The following PDE1C variants were observed in gnomAD, a reference collection of about 807,000 sequenced individuals.
PDE1C encodes phosphodiesterase 1C, also known as dual specificity calcium/calmodulin-dependent 3',5'-cyclic nucleotide phosphodiesterase 1C.
A neutral mutation model predicts 93.1 loss-of-function variants in PDE1C; 62 were observed. The ratio of observed to expected loss-of-function variants is 0.67; its 90% CI spans 0.54 to 0.82. The LOEUF is 0.82. Among genes scored for constraint, PDE1C ranks in the 40% least tolerant of loss-of-function variants. The probability of loss-of-function intolerance (pLI) is 0.00; values close to 1 mark genes in which losing one functional copy is unlikely to be tolerated. For synonymous variants in PDE1C, 325 were observed against 310.1 expected (o/e 1.05, Z -0.50); for missense variants, 742 against 884.6 (o/e 0.84, Z 2.04).
intron 11 of PDE1C, among the ~76,000 whole-genome samples, chr7:31,835,557 C>T (rs924779975): frequency 4.2e-5 from 6 of 142,120 alleles, no homozygotes; most frequent in Admixed American, 2.8e-4. Flanking sequence ...TGTGTGTGTG[C>T]GTGCATGTGC....
At chr7:32,404,547 G>A (rs1240758427) in intron 1 of PDE1C, among the ~76,000 whole-genome samples, 2 of 151,964 alleles carry the variant, frequency 1.3e-5, no homozygotes, top group Non-Finnish European at 2.9e-5. Flanking sequence ...TTTTTTAAGA[G>A]ACAGGGTCTC....
chr7:31,646,136 G>A, the PDE1C span, among the ~76,000 whole-genome samples: 2 of 152,266 alleles, frequency 1.3e-5, no homozygotes, highest in South Asian at 4.2e-4. Flanking sequence ...AAGATTTTAA[G>A]TCATATTTAG....
At chr7:32,416,758 C>T (rs561248306) in intron 1 of PDE1C, among the ~76,000 whole-genome samples, 2 of 152,132 alleles carry the variant, frequency 1.3e-5, no homozygotes, top group South Asian at 2.1e-4. Context: ...TGCACACATC[C>T]TTTGGAAAAA....
intron 15 of PDE1C, among the ~76,000 whole-genome samples, chr7:31,814,598 C>A (rs1007678964): frequency 6.6e-6 from 1 of 151,386 alleles, no homozygotes; most frequent in Admixed American, 6.6e-5. Context: ...AATCATTGAC[C>A]ACGGCCCTGT....
the PDE1C span, among the ~76,000 whole-genome samples, chr7:31,671,875 A>G: frequency 6.6e-6 from 1 of 152,150 alleles, no homozygotes; most frequent in Non-Finnish European, 1.5e-5. Context: ...ATAAAATGAG[A>G]TTAATTTTTC....
chr7:31,708,241 A>C, the PDE1C span: 2 of 152,244 alleles, frequency 1.3e-5, no homozygotes, highest in Non-Finnish European at 2.9e-5. Flanking sequence ...AGGGGAAGGC[A>C]TACAGGCCTC....
chr7:31,801,268 A>G (rs1173212915), intron 16 of PDE1C, among the ~76,000 whole-genome samples: 4 of 151,518 alleles, frequency 2.6e-5, no homozygotes, highest in African/African-American at 9.6e-5. Context: ...ACGCATATAA[A>G]AAATGAGAGT....
At chr7:31,649,557 T>A in the PDE1C span, among the ~76,000 whole-genome samples, 2 of 152,290 alleles carry the variant, frequency 1.3e-5, no homozygotes, top group African/African-American at 4.8e-5. Context: ...TTAACAAGAA[T>A]AAAGGAGAGA....
intron 1 of PDE1C, among the ~76,000 whole-genome samples, chr7:32,244,445 G>T (rs1434248664): frequency 6.6e-6 from 1 of 152,210 alleles, no homozygotes; most frequent in East Asian, 1.9e-4. Flanking sequence ...CTGCACTGAA[G>T]CAGCATTTTA....
At chr7:31,695,401 C>T in the PDE1C span, 1 of 1,447,250 alleles carries the variant, frequency 6.9e-7, no homozygotes, top group Non-Finnish European at 9.3e-7. Flanking sequence ...AATTAGGAAC[C>T]AAACAGTTTG....
At chr7:31,892,119 G>T (rs1216117715) in intron 2 of PDE1C, among the ~76,000 whole-genome samples, 2 of 152,148 alleles carry the variant, frequency 1.3e-5, no homozygotes, top group Non-Finnish European at 2.9e-5. Flanking sequence ...TTCCCCAGCT[G>T]GTTTTATAAG....
chr7:31,657,115 AATC>A, the PDE1C span, among the ~76,000 whole-genome samples: 1 of 938 alleles, frequency 1.1e-3, no homozygotes, highest in South Asian at 0.017. Context: ...ATATATATAA[AATC>A]ATATATATCA....
At chr7:31,972,637 T>C (rs747961466) in intron 2 of PDE1C, among the ~76,000 whole-genome samples, 6 of 152,038 alleles carry the variant, frequency 3.9e-5, no homozygotes, top group Non-Finnish European at 7.4e-5. Context: ...AAACCCTGGA[T>C]ATAACACAAC....
At chr7:32,056,764 A>G (rs1418533499) in intron 1 of PDE1C, among the ~76,000 whole-genome samples, 7 of 152,198 alleles carry the variant, frequency 4.6e-5, no homozygotes, top group South Asian at 2.1e-4. Context: ...TTACTTGATC[A>G]AAAATCTTTC....
chr7:32,421,311 C>A (rs982949279), intron 1 of PDE1C, among the ~76,000 whole-genome samples: 1 of 152,212 alleles, frequency 6.6e-6, no homozygotes, highest in Non-Finnish European at 1.5e-5. Context: ...CTCTTCCCTG[C>A]CTTCCTCACT....
intron 2 of PDE1C, among the ~76,000 whole-genome samples, chr7:31,956,257 C>T (rs957386988): frequency 1.5e-4 from 23 of 152,198 alleles, no homozygotes; most frequent in African/African-American, 5.5e-4. Context: ...CCACGCCCAG[C>T]TAATTTTCGT....
chr7:31,742,734 A>T, the PDE1C span, among the ~76,000 whole-genome samples: 1 of 152,186 alleles, frequency 6.6e-6, no homozygotes, highest in East Asian at 1.9e-4. Context: ...GAAATTGTGT[A>T]GTGTGGTCCT....
chr7:32,301,425 T>C (rs758156399), upstream of PDE1C, among the ~76,000 whole-genome samples: 2 of 152,332 alleles, frequency 1.3e-5, no homozygotes, highest in South Asian at 4.1e-4. Context: ...AAATATAACC[T>C]ATGAAAATAA....
chr7:31,658,262 C>A, the PDE1C span: 1 of 1,493,484 alleles, frequency 6.7e-7, no homozygotes, highest in African/African-American at 1.4e-5. Flanking sequence ...AACACATATT[C>A]TCTTATAGGT....
Sources: gnomAD v4.1 joint callset for allele counts (sites outside exome capture counted in the v4.1 genomes callset) on GRCh38, gnomAD v4.1.1 for gene constraint, MANE v1.5 for transcripts, NCBI Gene and HGNC (gene_info 2026-07-23, HGNC 2026-07-21) for gene names.